IFT25: variants seen among roughly 807,000 people sequenced by gnomAD.
The protein encoded by IFT25 is intraflagellar transport protein 25 homolog.
At chr1:53,932,214 G>A in the IFT25 span, among the ~76,000 whole-genome samples, 190 of 152,238 alleles carry the variant, frequency 1.2e-3, 1 homozygote, top group Non-Finnish European at 2.4e-3. Context: ...AGCCAGGTGT[G>A]GTGGCACATG....
At chr1:53,932,333 CA>C in the IFT25 span, among the ~76,000 whole-genome samples, 223 of 130,878 alleles carry the variant, frequency 1.7e-3, no homozygotes, top group Admixed American at 2.4e-3. Context: ...AACTCCATCT[CA>C]AAAAAAAAAA....
chr1:53,914,368 A>G, the IFT25 span, among the ~76,000 whole-genome samples: 2 of 152,174 alleles, frequency 1.3e-5, no homozygotes, highest in Admixed American at 6.5e-5. Context: ...TTTTCTTTTT[A>G]TAATTCTTTT....
At chr1:53,916,719 C>A in the IFT25 span, 1 of 349,634 alleles carries the variant, frequency 2.9e-6, no homozygotes, top group Non-Finnish European at 5.1e-6. Flanking sequence ...TCACTTTTTG[C>A]TCTACTCAGA....
At chr1:53,923,948 C>T in the IFT25 span, 1 of 1,586,256 alleles carries the variant, frequency 6.3e-7, no homozygotes, top group African/African-American at 1.3e-5. Flanking sequence ...TGTACCAAAT[C>T]TAAAACATAA....
the IFT25 span, among the ~76,000 whole-genome samples, chr1:53,935,702 G>T: frequency 1.6e-4 from 24 of 151,734 alleles, no homozygotes; most frequent in Non-Finnish European, 2.6e-4. Context: ...CAAACTTCTG[G>T]GCTCAAGTGA....
chr1:53,930,220 G>GT, the IFT25 span: 2 of 1,369,082 alleles, frequency 1.5e-6, no homozygotes, highest in South Asian at 1.5e-5. Context: ...TTGAATACCT[G>GT]TTTTTTAAAA....
the IFT25 span, among the ~76,000 whole-genome samples, chr1:53,923,319 T>C: frequency 6.6e-6 from 1 of 152,216 alleles, no homozygotes; most frequent in East Asian, 1.9e-4. Flanking sequence ...AGTTGTTTTG[T>C]GTTTGTCTAA....
chr1:53,922,802 AG>A, the IFT25 span, among the ~76,000 whole-genome samples: 1 of 152,244 alleles, frequency 6.6e-6, no homozygotes, highest in East Asian at 1.9e-4. Flanking sequence ...TTAAAAAAAA[AG>A]ATGACACAAA....
chr1:53,945,886 GCGCGCTCGCTCC>G, the IFT25 span: 1 of 79,836 alleles, frequency 1.3e-5, no homozygotes, highest in Non-Finnish European at 2.2e-5. Flanking sequence ...GAGTTCCCGG[GCGCGCTCGCTCC>G]ACCGAGTTCC....
the IFT25 span, among the ~76,000 whole-genome samples, chr1:53,920,655 A>C: frequency 4.6e-5 from 7 of 152,186 alleles, no homozygotes; most frequent in Non-Finnish European, 7.3e-5. Context: ...CATGGACTTA[A>C]GAAATAGTAT....
the IFT25 span, among the ~76,000 whole-genome samples, chr1:53,938,150 T>C: frequency 4.6e-5 from 7 of 152,330 alleles, no homozygotes; most frequent in African/African-American, 9.6e-5. Flanking sequence ...TTTTTGTGCT[T>C]CTTATTCCCC....
the IFT25 span, among the ~76,000 whole-genome samples, chr1:53,943,810 T>C: frequency 1.3e-5 from 2 of 152,018 alleles, no homozygotes; most frequent in African/African-American, 4.8e-5. Flanking sequence ...TTTGTAGAGA[T>C]GGGGTTTTGC....
At chr1:53,933,370 G>A in the IFT25 span, among the ~76,000 whole-genome samples, 8 of 151,934 alleles carry the variant, frequency 5.3e-5, no homozygotes, top group African/African-American at 9.7e-5. Flanking sequence ...TCCTGACCTC[G>A]TGATCCGCCC....
chr1:53,915,487 A>G, the IFT25 span, among the ~76,000 whole-genome samples: 1 of 152,334 alleles, frequency 6.6e-6, no homozygotes, highest in Admixed American at 6.5e-5. Context: ...TTTAAGTGGA[A>G]TTTTAATGAT....
chr1:53,943,620 G>A, the IFT25 span, among the ~76,000 whole-genome samples: 907 of 152,200 alleles, frequency 6.0e-3, 9 homozygotes, highest in African/African-American at 0.021. Flanking sequence ...TGGAGATGTA[G>A]GGAGAGAACT....
chr1:53,926,060 C>T, the IFT25 span, among the ~76,000 whole-genome samples: 1 of 148,788 alleles, frequency 6.7e-6, no homozygotes, highest in South Asian at 2.1e-4. Context: ...CGAGATTGCG[C>T]CACTGCACTC....
chr1:53,944,436 G>A, the IFT25 span, among the ~76,000 whole-genome samples: 1 of 152,188 alleles, frequency 6.6e-6, no homozygotes, highest in African/African-American at 2.4e-5. Context: ...CTTGAGGCCA[G>A]CGGTTCAAGA....
the IFT25 span, among the ~76,000 whole-genome samples, chr1:53,925,134 T>C: frequency 6.6e-6 from 1 of 152,158 alleles, no homozygotes; most frequent in African/African-American, 2.4e-5. Flanking sequence ...GTATGGTAGG[T>C]AAAATTTTAG....
chr1:53,929,439 A>C, the IFT25 span: 2 of 152,234 alleles, frequency 1.3e-5, no homozygotes, highest in Non-Finnish European at 2.9e-5. Flanking sequence ...TAGCCCCATC[A>C]ATAGAGCCTC....
Sources: gnomAD v4.1 joint callset for allele counts (sites outside exome capture counted in the v4.1 genomes callset) on GRCh38, gnomAD v4.1.1 for gene constraint, MANE v1.5 for transcripts, NCBI Gene and HGNC (gene_info 2026-07-23, HGNC 2026-07-21) for gene names.